PARD3B: variants seen among roughly 807,000 people sequenced by gnomAD.
PARD3B encodes the protein partitioning defective 3 homolog B.
In PARD3B, 103 loss-of-function variants were observed where a neutral mutation model predicts 130.2. The observed-to-expected ratio is 0.79, with a 90% CI of 0.67 to 0.93. The LOEUF is 0.93. PARD3B is among the 40% of genes least tolerant of loss of function. PARD3B has a pLI of 0.00. For missense variants in PARD3B, 1,609 were observed against 1,499.2 expected, an observed-to-expected ratio of 1.07 and a Z score of -1.21; for synonymous variants, 583 against 553.2, an observed-to-expected ratio of 1.05 and a Z score of -0.76.
chr2:205,199,304 T>G (rs2036859786), intron 15 of PARD3B, among the ~76,000 whole-genome samples: 1 of 152,098 alleles, frequency 6.6e-6, no homozygotes, highest in African/African-American at 2.4e-5. Context: ...TCTGACATTA[T>G]GATAACTTAT....
intron 2 of PARD3B, among the ~76,000 whole-genome samples, chr2:204,694,621 G>C (rs569111058): frequency 6.6e-6 from 1 of 152,122 alleles, no homozygotes; most frequent in East Asian, 1.9e-4. Flanking sequence ...CAGTTTGTGG[G>C]CATGTTTCAA....
intron 4 of PARD3B, among the ~76,000 whole-genome samples, chr2:205,052,311 G>A (rs1329366992): frequency 6.6e-6 from 1 of 151,042 alleles, no homozygotes. Context: ...TACTGTGGTT[G>A]TTCTCAGAGA....
rs2054331028 is a variant in PARD3B, at chr2:205,590,099, A to G, written c.3261-25357A>G. On this transcript the variant is annotated intron_variant, in intron 22 of 22. Transcript: ENST00000406610. This position sits in a 1 kb window ranked among gnomAD's most constrained non-coding sequence, Gnocchi z 4.1. ...TATGAATATACCAACACATGAATGT[A>G]CACATGGACAATAGGTAAACATTAT... Among the ~76,000 whole-genome samples the G allele has an allele frequency of 6.6e-6, 1 of 152,196 alleles. No individual in the cohort carries two copies. Among genetic ancestry groups the G allele is most frequent in the Admixed American group, 6.5e-5 (1 of 15,282 alleles).
intron 2 of PARD3B, among the ~76,000 whole-genome samples, chr2:204,741,099 A>G (rs113214852): frequency 2.0e-5 from 3 of 152,324 alleles, no homozygotes; most frequent in African/African-American, 7.2e-5. Context: ...AGAAGCTTGT[A>G]GCATAATTAA....
chr2:205,222,561 G>A (rs1385361852), intron 15 of PARD3B, among the ~76,000 whole-genome samples: 2 of 152,124 alleles, frequency 1.3e-5, no homozygotes, highest in African/African-American at 4.8e-5. Context: ...TTAAAAAAGG[G>A]GTCACTAGAC....
chr2:204,820,850 G>C (rs1243212599), intron 2 of PARD3B, among the ~76,000 whole-genome samples: 1 of 148,862 alleles, frequency 6.7e-6, no homozygotes, highest in African/African-American at 2.5e-5. Flanking sequence ...AAAAGCCACT[G>C]CTCATTTACC....
intron 10 of PARD3B, among the ~76,000 whole-genome samples, chr2:205,157,198 G>T (rs2034227465): frequency 6.6e-6 from 1 of 152,174 alleles, no homozygotes; most frequent in Non-Finnish European, 1.5e-5. Context: ...AAATGGTTTT[G>T]AAATGTTATG....
intron 2 of PARD3B, among the ~76,000 whole-genome samples, chr2:204,964,744 C>T (rs1286470444): frequency 6.6e-6 from 1 of 152,076 alleles, no homozygotes; most frequent in Admixed American, 6.5e-5. Context: ...GGAATAACCT[C>T]CCTATACTAT....
At chr2:205,207,504 A>T (rs2037385891) in intron 15 of PARD3B, among the ~76,000 whole-genome samples, 3 of 144,334 alleles carry the variant, frequency 2.1e-5, no homozygotes, top group Non-Finnish European at 4.5e-5. Context: ...GAGATGAATC[A>T]AATAGATGCG....
At chr2:205,324,510 T>G (rs867042758) in intron 18 of PARD3B, among the ~76,000 whole-genome samples, 1 of 152,164 alleles carries the variant, frequency 6.6e-6, no homozygotes, top group Non-Finnish European at 1.5e-5. Context: ...CCATTAGAGA[T>G]ATAAATAGAG....
intron 22 of PARD3B, among the ~76,000 whole-genome samples, chr2:205,603,534 C>T (rs773489910): frequency 1.3e-5 from 2 of 152,174 alleles, no homozygotes; most frequent in Non-Finnish European, 2.9e-5. Flanking sequence ...CTGGGTGCTC[C>T]TGTATTGGGT....
chr2:205,192,842 C>T (rs11890486), intron 14 of PARD3B, among the ~76,000 whole-genome samples: 1 of 152,112 alleles, frequency 6.6e-6, no homozygotes, highest in African/African-American at 2.4e-5. Flanking sequence ...AATCCCTTAA[C>T]CTGCTTTTGG....
chr2:205,483,093 A>G (rs1319115712), intron 20 of PARD3B, among the ~76,000 whole-genome samples: 2 of 152,150 alleles, frequency 1.3e-5, no homozygotes, highest in Non-Finnish European at 1.5e-5. Context: ...TTCAAATTCA[A>G]GTGCATGCCT....
chr2:205,052,423 A>ATATATATATATATATATG (rs1699265387), intron 4 of PARD3B, among the ~76,000 whole-genome samples: 1 of 13,408 alleles, frequency 7.5e-5, no homozygotes, highest in Admixed American at 7.6e-4. Context: ...ATATATGTAT[A>ATATATATATATATATATG]TATATATATA....
At chr2:204,693,738 T>C (rs2125259175) in intron 2 of PARD3B, among the ~76,000 whole-genome samples, 2 of 151,886 alleles carry the variant, frequency 1.3e-5, no homozygotes, top group South Asian at 4.1e-4. Flanking sequence ...GTGGCGAAAC[T>C]ACTGTACGAT....
chr2:205,294,579 T>A (rs1016069664), intron 16 of PARD3B, among the ~76,000 whole-genome samples: 5 of 152,208 alleles, frequency 3.3e-5, no homozygotes, highest in African/African-American at 1.2e-4. Context: ...AATTTATTTG[T>A]TCACATAATC....
intron 21 of PARD3B, among the ~76,000 whole-genome samples, chr2:205,543,013 G>A (rs2052228111): frequency 6.6e-6 from 1 of 152,112 alleles, no homozygotes; most frequent in African/African-American, 2.4e-5. Flanking sequence ...CAAAAATCTA[G>A]CATGGAATCT....
intron 10 of PARD3B, among the ~76,000 whole-genome samples, chr2:205,151,808 G>A (rs1320056531): frequency 6.6e-6 from 1 of 152,136 alleles, no homozygotes; most frequent in Non-Finnish European, 1.5e-5. Flanking sequence ...TCATTATGAT[G>A]TTAGCTGGAT....
At chr2:205,349,973 C>G (rs570658620) in intron 18 of PARD3B, among the ~76,000 whole-genome samples, 1 of 152,142 alleles carries the variant, frequency 6.6e-6, no homozygotes, top group South Asian at 2.1e-4. Context: ...CAAGCCAACA[C>G]CAAGCAGCCA....
Sources: gnomAD v4.1 joint callset for allele counts (sites outside exome capture counted in the v4.1 genomes callset) on GRCh38, gnomAD v4.1.1 for gene constraint, Gnocchi (gnomAD v3.1) non-coding constraint, MANE v1.5 for transcripts, NCBI Gene and HGNC (gene_info 2026-07-23, HGNC 2026-07-21) for gene names.